Variants in GNG7 observed in about 807,000 individuals in gnomAD.
GNG7 encodes guanine nucleotide-binding protein G(I)/G(S)/G(O) subunit gamma-7.
In GNG7, 1 loss-of-function variant was observed where a neutral mutation model predicts 4.0. That is an observed-to-expected ratio of 0.25 (90% CI 0.09 to 1.18). The LOEUF (loss-of-function observed/expected upper bound fraction) is 1.18. GNG7 is among the 50% of genes most tolerant of loss of function. The pLI is 0.50. For missense variants in GNG7, 86 were observed against 91.9 expected (o/e 0.94, Z 0.26); for synonymous variants, 34 against 36.9 (o/e 0.92, Z 0.29).
intron 3 of GNG7, among the ~76,000 whole-genome samples, chr19:2,531,644 A>G (rs9749278): frequency 0.78 from 118,062 of 151,346 alleles, 46,095 homozygotes; most frequent in Admixed American, 0.85. Flanking sequence ...GGTGGCAGGC[A>G]CCTGTAGTCC....
At chr19:2,673,458 C>T (rs1047873533) in intron 1 of GNG7, among the ~76,000 whole-genome samples, 3 of 151,650 alleles carry the variant, frequency 2.0e-5, no homozygotes, top group Non-Finnish European at 2.9e-5. Context: ...TTTGGGAGGC[C>T]GAGGCGGGCG....
At chr19:2,526,313 C>T (rs1022191290) in intron 3 of GNG7, among the ~76,000 whole-genome samples, 3 of 150,962 alleles carry the variant, frequency 2.0e-5, no homozygotes, top group East Asian at 1.9e-4. Context: ...CCATGTTGGC[C>T]AGGCTGGTCT....
At chr19:2,699,886 C>T (rs1460109375) in intron 1 of GNG7, among the ~76,000 whole-genome samples, 1 of 152,162 alleles carries the variant, frequency 6.6e-6, no homozygotes, top group Non-Finnish European at 1.5e-5. Flanking sequence ...AATCACAGCT[C>T]GATGTGGTTC....
At chr19:2,620,539 A>C (rs75537428) in intron 2 of GNG7, among the ~76,000 whole-genome samples, 20,759 of 152,148 alleles carry the variant, frequency 0.14, 2,503 homozygotes, top group African/African-American at 0.33. Flanking sequence ...GTATGAGTCC[A>C]ATGTTTTCAA....
intron 2 of GNG7, among the ~76,000 whole-genome samples, chr19:2,644,926 T>C (rs1395665477): frequency 6.6e-6 from 1 of 152,206 alleles, no homozygotes; most frequent in African/African-American, 2.4e-5. Flanking sequence ...TATTCTTGAC[T>C]TTTGAGTACA....
intron 1 of GNG7, among the ~76,000 whole-genome samples, chr19:2,690,776 T>C (rs750282196): frequency 6.6e-6 from 1 of 152,102 alleles, no homozygotes; most frequent in Non-Finnish European, 1.5e-5. Flanking sequence ...GTATTGTTAA[T>C]AAAGACGGGG....
intron 2 of GNG7, among the ~76,000 whole-genome samples, chr19:2,612,533 C>T (rs1462161498): frequency 6.6e-6 from 1 of 152,010 alleles, no homozygotes; most frequent in African/African-American, 2.4e-5. Context: ...ACCCAGGCTC[C>T]CACGGCACAA....
At chr19:2,598,258 CATAT>C (rs1981086764) in intron 2 of GNG7, among the ~76,000 whole-genome samples, 1 of 152,120 alleles carries the variant, frequency 6.6e-6, no homozygotes, top group African/African-American at 2.4e-5. Flanking sequence ...CGCGGTGGCT[CATAT>C]CTGTTAATCC....
chr19:2,574,189 T>A (rs1980238002), intron 2 of GNG7, among the ~76,000 whole-genome samples: 2 of 152,182 alleles, frequency 1.3e-5, no homozygotes, highest in Admixed American at 6.5e-5. Flanking sequence ...CATCACGCCT[T>A]CAAACTCAAC....
rs377671191 is a variant in GNG7, at chr19:2,534,347, C to A, written c.-37-13622G>T. ...CCTCCATCTCCTAACAGCTAGAGTG[C>A]GCTTCTGAAAATGCAGTTGAATCTG... is the stretch of plus-strand genomic sequence containing the variant. On this transcript the variant is annotated intron_variant, in intron 3 of 4. Coordinates refer to ENST00000382159, the MANE Select transcript of GNG7 (RefSeq NM_052847.3). 1.7e-3 allele frequency among the ~76,000 whole-genome samples: 260 copies of A among 152,280 alleles called. 1 individual carries two copies. Among genetic ancestry groups the A allele is most frequent in the African/African-American group, 6.0e-3 (251 of 41,570 alleles).
chr19:2,545,872 T>C lies in GNG7; in HGVS notation c.-38+9277A>G, dbSNP rs1979107265. On this transcript the variant is annotated intron_variant, in intron 3 of 4. Transcript: ENST00000382159. ...CAGGAGTCTGAGGCAGGAGAATTGC[T>C]TGAACCCGGGAGGTAAAGGTTGCGG... Among the ~76,000 whole-genome samples the C allele has an allele frequency of 2.0e-5, 3 of 151,120 alleles. No individual in the cohort carries two copies. The South Asian group carries it at 6.3e-4, about 32-fold the overall frequency.
Position 2,557,698 on chromosome 19 carries a change from G to A in GNG7, c.-77-2510C>T, listed in dbSNP as rs1234273766. 3.9e-5 allele frequency among the ~76,000 whole-genome samples: 6 copies of A among 152,122 alleles called. No homozygotes were observed. The East Asian group carries it at 1.2e-3, about 29-fold the overall frequency. On this transcript the variant is annotated intron_variant, in intron 2 of 4. Coordinates refer to ENST00000382159, the MANE Select transcript of GNG7 (RefSeq NM_052847.3). This position sits in a 1 kb window ranked among gnomAD's most constrained non-coding sequence, Gnocchi z 5.1. ...GATCCATAAAATCAGGACAGTGACC[G>A]AGGATGCTGGGGCCACCTCACCTGC...
rs1981574001 is a variant in GNG7 at position 2,611,763 on chromosome 19, G to T, written c.-78+34461C>A. 1 of 152,224 alleles carries T rather than the reference G, an allele frequency of 6.6e-6. No homozygotes were observed. Among genetic ancestry groups the T allele is most frequent in the Non-Finnish European group, 1.5e-5 (1 of 68,050 alleles). 9.4% of individuals were successfully genotyped at this position (152,224 alleles called of 1,614,324 possible). A position where few individuals can be genotyped will look rare whatever the true frequency, so the allele number is the denominator to read the frequency against. On this transcript the variant is annotated intron_variant, in intron 2 of 4. Coordinates refer to ENST00000382159, the MANE Select transcript of GNG7 (RefSeq NM_052847.3). The surrounding 1 kb of genome is among the most constrained non-coding windows in gnomAD (Gnocchi z 6.0). Reference sequence around the variant, plus strand: ...AGGCAGGAGAATCGCTCGAACCGGGGAGGTGGAGGCTGCACTGAGCGTTGA... The same window carrying T: ...AGGCAGGAGAATCGCTCGAACCGGGTAGGTGGAGGCTGCACTGAGCGTTGA...
At chr19:2,576,471 T>C (rs1399003740) in intron 2 of GNG7, among the ~76,000 whole-genome samples, 1 of 152,224 alleles carries the variant, frequency 6.6e-6, no homozygotes, top group Non-Finnish European at 1.5e-5. Flanking sequence ...CAGCAGCTGG[T>C]GGCCACCCTC....
At chr19:2,522,130 G>T (rs1311847113) in intron 3 of GNG7, among the ~76,000 whole-genome samples, 1 of 152,126 alleles carries the variant, frequency 6.6e-6, no homozygotes, top group Non-Finnish European at 1.5e-5. Flanking sequence ...GGGTGCTCCT[G>T]GCAGGGAGTG....
intron 2 of GNG7, among the ~76,000 whole-genome samples, chr19:2,622,872 G>A (rs1163818039): frequency 6.6e-6 from 1 of 152,270 alleles, no homozygotes; most frequent in African/African-American, 2.4e-5. Flanking sequence ...TGGCAGAGAG[G>A]AGGGCTTTGT....
intron 2 of GNG7, among the ~76,000 whole-genome samples, chr19:2,613,381 G>T (rs763937764): frequency 2.1e-4 from 32 of 152,258 alleles, no homozygotes; most frequent in South Asian, 4.1e-4. Context: ...CCTGGAGAGG[G>T]GGAGATCCTG....
intron 2 of GNG7, among the ~76,000 whole-genome samples, chr19:2,560,737 A>C (rs1157697787): frequency 6.6e-6 from 1 of 152,084 alleles, no homozygotes; most frequent in African/African-American, 2.4e-5. Context: ...TGGGTGGATC[A>C]CTTGATGTCA....
At chr19:2,605,064 G>T (rs1157530764) in intron 2 of GNG7, among the ~76,000 whole-genome samples, 4 of 152,188 alleles carry the variant, frequency 2.6e-5, no homozygotes, top group Non-Finnish European at 5.9e-5. Context: ...CCCTCTGGAG[G>T]CTCCAGGGGA....
Sources: gnomAD v4.1 joint callset for allele counts (sites outside exome capture counted in the v4.1 genomes callset) on GRCh38, gnomAD v4.1.1 for gene constraint, Gnocchi (gnomAD v3.1) non-coding constraint, MANE v1.5 for transcripts, NCBI Gene and HGNC (gene_info 2026-07-23, HGNC 2026-07-21) for gene names.